The following PBX1 variants were observed in gnomAD, a reference collection of about 807,000 sequenced individuals.
PBX1 encodes PBX homeobox 1.
PBX1 carries 6 observed loss-of-function variants against 53.4 expected under a neutral mutation model. The observed-to-expected ratio is 0.11, with a 90% CI of 0.06 to 0.22. The LOEUF is 0.22. PBX1 is among the 10% of genes least tolerant of loss of function. PBX1 has a pLI of 1.00. For missense variants in PBX1, 251 were observed against 551.4 expected (o/e 0.46, Z 5.46); for synonymous variants, 204 against 212.3 (o/e 0.96, Z 0.34).
intron 2 of PBX1, among the ~76,000 whole-genome samples, chr1:164,761,186 G>A (rs1666794028): frequency 6.6e-6 from 1 of 152,142 alleles, no homozygotes; most frequent in Non-Finnish European, 1.5e-5. Context: ...GGTGGTCAGG[G>A]AAAAGGATTT....
intron 2 of PBX1, among the ~76,000 whole-genome samples, chr1:164,600,570 G>A (rs543993287): frequency 6.6e-6 from 1 of 152,244 alleles, no homozygotes; most frequent in Non-Finnish European, 1.5e-5. Context: ...TTTAACTAAA[G>A]TCTGCCTGCA....
At chr1:164,721,040 C>T (rs1664378898) in intron 2 of PBX1, among the ~76,000 whole-genome samples, 1 of 152,196 alleles carries the variant, frequency 6.6e-6, no homozygotes, top group African/African-American at 2.4e-5. Context: ...GTTCTGTTTA[C>T]TTGAACCAGT....
chr1:164,802,082 C>T (rs1466394293), intron 4 of PBX1, among the ~76,000 whole-genome samples: 2 of 152,200 alleles, frequency 1.3e-5, no homozygotes, highest in African/African-American at 2.4e-5. Flanking sequence ...AAATAAAATA[C>T]AAAGAGGACT....
At chr1:164,705,551 A>T (rs1434521709) in intron 2 of PBX1, among the ~76,000 whole-genome samples, 1 of 152,170 alleles carries the variant, frequency 6.6e-6, no homozygotes, top group African/African-American at 2.4e-5. Flanking sequence ...TATGGATATA[A>T]TCACTTATGA....
intron 2 of PBX1, among the ~76,000 whole-genome samples, chr1:164,783,118 G>A (rs1392681762): frequency 6.6e-6 from 1 of 152,166 alleles, no homozygotes; most frequent in Non-Finnish European, 1.5e-5. Flanking sequence ...TGTGAGCTCT[G>A]CCAGGCCAGG....
intron 2 of PBX1, among the ~76,000 whole-genome samples, chr1:164,612,514 G>C (rs1657005124): frequency 6.6e-6 from 1 of 152,172 alleles, no homozygotes; most frequent in Non-Finnish European, 1.5e-5. Flanking sequence ...GGAATAGAAA[G>C]GGAAACTGGC....
Position 164,721,625 on chromosome 1 carries a change from T to C in PBX1, c.266-70869T>C, listed in dbSNP as rs1473503764. On this transcript the variant is annotated intron_variant, in intron 2 of 8. Coordinates refer to ENST00000420696, the MANE Select transcript of PBX1 (RefSeq NM_002585.4). ...TCTCTCACTTTCTCATTTGCTGTCA[T>C]TGGTGTGAAAAATCGAGTTACCAGA... 2.0e-5 allele frequency among the ~76,000 whole-genome samples: 3 copies of C among 152,204 alleles called. No homozygotes were observed. In the East Asian group the frequency reaches 5.8e-4, roughly 29 times the overall value.
intron 3 of PBX1, among the ~76,000 whole-genome samples, chr1:164,793,169 C>G (rs1281188881): frequency 2.6e-5 from 4 of 152,012 alleles, no homozygotes; most frequent in Non-Finnish European, 5.9e-5. Flanking sequence ...TATCAGGAGG[C>G]CTATACTTTT....
intron 2 of PBX1, among the ~76,000 whole-genome samples, chr1:164,877,883 C>A (rs984359074): frequency 6.6e-6 from 1 of 152,182 alleles, no homozygotes; most frequent in Non-Finnish European, 1.5e-5. Context: ...ATTCTTCCTA[C>A]CTCTTCTTGC....
intron 8 of PBX1, among the ~76,000 whole-genome samples, chr1:164,845,090 C>T (rs1392761785): frequency 1.3e-5 from 2 of 152,112 alleles, no homozygotes; most frequent in Non-Finnish European, 2.9e-5. Context: ...GAGGTGTGAA[C>T]AAAACCTACC....
At chr1:164,624,501 A>T (rs1050311030) in intron 2 of PBX1, among the ~76,000 whole-genome samples, 2 of 152,238 alleles carry the variant, frequency 1.3e-5, no homozygotes, top group South Asian at 2.1e-4. Context: ...TTCCTCTAAC[A>T]TGGTGATTCT....
chr1:164,580,148 G>A (rs1654509584), intron 2 of PBX1, among the ~76,000 whole-genome samples: 1 of 152,152 alleles, frequency 6.6e-6, no homozygotes, highest in Admixed American at 6.5e-5. Context: ...TGTTTCTCAG[G>A]TACAGAAATT....
intron 6 of PBX1, chr1:164,816,447 A>G (rs1669883477): frequency 6.6e-6 from 1 of 152,216 alleles, no homozygotes; most frequent in Non-Finnish European, 1.5e-5. Flanking sequence ...AGAAAATGGC[A>G]ACTACTTCAT....
At chr1:164,738,498 C>A (rs1192047837) in intron 2 of PBX1, among the ~76,000 whole-genome samples, 1 of 152,128 alleles carries the variant, frequency 6.6e-6, no homozygotes, top group Non-Finnish European at 1.5e-5. Context: ...CACCATGTTG[C>A]CCAGGCTGGT....
chr1:164,633,350 A>G (rs1658535683), intron 2 of PBX1, among the ~76,000 whole-genome samples: 2 of 152,220 alleles, frequency 1.3e-5, no homozygotes, highest in South Asian at 2.1e-4. Flanking sequence ...GGGTTTCACC[A>G]TGTTGGCCAG....
rs1417920092 is a variant in PBX1 at position 164,740,368 on chromosome 1, A to T, written c.266-52126A>T. On this transcript the variant is annotated intron_variant, in intron 2 of 8. Transcript: ENST00000420696. ...TTTTAAATTATAGTATGGAAAAAATAAAAAAAAAATGAAAAGACTCAGTTC... is the reference window on the plus strand; with the variant it reads ...TTTTAAATTATAGTATGGAAAAAATTAAAAAAAAATGAAAAGACTCAGTTC... Among the ~76,000 whole-genome samples the T allele has an allele frequency of 6.3e-5, 9 of 142,036 alleles. 1 individual carries two copies. The highest frequency in any genetic ancestry group is 2.1e-4 in the South Asian group (1 of 4,704). 93.2% of individuals were successfully genotyped at this position (142,036 alleles called of 152,430 possible).
At chr1:164,834,128 C>T (rs1003271876) in intron 8 of PBX1, among the ~76,000 whole-genome samples, 1 of 148,460 alleles carries the variant, frequency 6.7e-6, no homozygotes, top group Non-Finnish European at 1.5e-5. Context: ...TTCTTTGGGG[C>T]AGCTGTTATC....
chr1:164,664,176 A>C (rs767014241), intron 2 of PBX1, among the ~76,000 whole-genome samples: 10 of 152,244 alleles, frequency 6.6e-5, no homozygotes, highest in Non-Finnish European at 1.5e-4. Context: ...GGAGTTGAGA[A>C]AGTCTGCTTT....
chr1:164,647,876 G>A (rs1014102486), intron 2 of PBX1, among the ~76,000 whole-genome samples: 3 of 150,568 alleles, frequency 2.0e-5, no homozygotes, highest in South Asian at 2.1e-4. Flanking sequence ...GTGCGGTGGC[G>A]CGATCTCGGC....
Sources: gnomAD v4.1 joint callset for allele counts (sites outside exome capture counted in the v4.1 genomes callset) on GRCh38, gnomAD v4.1.1 for gene constraint, MANE v1.5 for transcripts, NCBI Gene and HGNC (gene_info 2026-07-23, HGNC 2026-07-21) for gene names.